The following SNX9 variants were observed in gnomAD, a reference collection of about 807,000 sequenced individuals.
SNX9 encodes sorting nexin 9, also known as sorting nexin-9.
In SNX9, 44 loss-of-function variants were observed where a neutral mutation model predicts 89.4. The observed-to-expected ratio is 0.49, with a 90% CI of 0.39 to 0.63. The LOEUF is 0.63. Ranked by LOEUF, SNX9 falls within the 30% of genes least tolerant of loss-of-function variation. The probability of loss-of-function intolerance (pLI) is 0.00; values close to 1 mark genes in which losing one functional copy is unlikely to be tolerated. For missense variants in SNX9, 578 were observed against 736.1 expected (o/e 0.79, Z 2.49); for synonymous variants, 236 against 247.8 (o/e 0.95, Z 0.45).
Position 157,823,402 on chromosome 6 carries a change from G to C in SNX9, c.-33G>C. The C allele has an allele frequency of 7.9e-7, 1 of 1,272,280 alleles. No individual in the cohort carries two copies. The highest frequency in any genetic ancestry group is 1.0e-6 in the Non-Finnish European group (1 of 1,002,232). 78.8% of individuals were successfully genotyped at this position (1,272,280 alleles called of 1,614,324 possible). On this transcript the variant is annotated 5_prime_UTR_variant, in exon 1 of 18. Coordinates refer to ENST00000392185, the MANE Select transcript of SNX9 (RefSeq NM_016224.5). This position sits in a 1 kb window ranked among gnomAD's most constrained non-coding sequence, Gnocchi z 4.6. ...TCACCATCCGCGGCGCGGGAGACGA[G>C]CCGGCCGTCCCGGGCCGGGGGACCC...
chr6:157,833,534 G>GTT (rs1781515259), intron 1 of SNX9, among the ~76,000 whole-genome samples: 1 of 152,136 alleles, frequency 6.6e-6, no homozygotes, highest in Admixed American at 6.5e-5. Flanking sequence ...AAAAGAGTAT[G>GTT]TTTTAAAAGT....
rs547967917 is a variant in SNX9 at position 157,895,819 on chromosome 6, C to T, written c.301-1008C>T. Among the ~76,000 whole-genome samples, 20 of 152,204 alleles carry T rather than the reference C, an allele frequency of 1.3e-4. No individual in the cohort carries two copies. In the South Asian group the frequency reaches 1.5e-3, roughly 11 times the overall value. Reference sequence around the variant, plus strand: ...TAGGCCCCAGCAGACCAGGCCAAACCAGAATGGAGTTCCTTGTGCTAGATG... The same window carrying T: ...TAGGCCCCAGCAGACCAGGCCAAACTAGAATGGAGTTCCTTGTGCTAGATG... On this transcript the variant is annotated intron_variant, in intron 4 of 17. Coordinates refer to ENST00000392185, the MANE Select transcript of SNX9 (RefSeq NM_016224.5).
At chr6:157,903,481 A>G (rs1583227742) in intron 6 of SNX9, among the ~76,000 whole-genome samples, 1 of 152,342 alleles carries the variant, frequency 6.6e-6, no homozygotes, top group East Asian at 1.9e-4. Flanking sequence ...CTGTCTTGTT[A>G]GTCAACTGTG....
chr6:157,885,286 A>G (rs1283673638), intron 4 of SNX9: 3 of 152,154 alleles, frequency 2.0e-5, no homozygotes, highest in Admixed American at 2.0e-4. Context: ...GCTGTGATCT[A>G]CCTTCATTTT....
intron 2 of SNX9, among the ~76,000 whole-genome samples, chr6:157,870,180 ACT>A (rs1258542713): frequency 6.7e-6 from 1 of 150,208 alleles, no homozygotes; most frequent in Non-Finnish European, 1.5e-5. Context: ...GCACACCCAC[ACT>A]CATGCTCTCA....
intron 1 of SNX9, among the ~76,000 whole-genome samples, chr6:157,840,768 T>C (rs540501651): frequency 6.6e-6 from 1 of 152,130 alleles, no homozygotes; most frequent in Non-Finnish European, 1.5e-5. Context: ...GAAAAAACTT[T>C]GTAAAGAAAT....
intron 6 of SNX9, among the ~76,000 whole-genome samples, chr6:157,904,308 C>T (rs1434229551): frequency 1.3e-5 from 2 of 152,080 alleles, no homozygotes; most frequent in African/African-American, 4.8e-5. Context: ...TGGTGGCACG[C>T]CTGTAATCCT....
At chr6:157,857,029 A>C (rs1782026928) in intron 1 of SNX9, among the ~76,000 whole-genome samples, 1 of 152,176 alleles carries the variant, frequency 6.6e-6, no homozygotes, top group African/African-American at 2.4e-5. Context: ...ACAGTTCTTA[A>C]AGGATAAATG....
chr6:157,867,071 T>C (rs974246514), intron 1 of SNX9, among the ~76,000 whole-genome samples: 8 of 152,056 alleles, frequency 5.3e-5, no homozygotes, highest in African/African-American at 1.9e-4. Flanking sequence ...GCCTCAGTTT[T>C]TTCAGTAGCT....
chr6:157,923,518 G>C (rs1436955768), intron 10 of SNX9, among the ~76,000 whole-genome samples: 1 of 151,556 alleles, frequency 6.6e-6, no homozygotes, highest in Non-Finnish European at 1.5e-5. Flanking sequence ...GATCTACATA[G>C]AAAACTATGA....
intron 1 of SNX9, among the ~76,000 whole-genome samples, chr6:157,858,737 A>G (rs923177215): frequency 4.6e-5 from 7 of 152,334 alleles, no homozygotes; most frequent in Admixed American, 3.9e-4. Context: ...AGGCCTCACA[A>G]TCATGGTGGA....
intron 9 of SNX9, among the ~76,000 whole-genome samples, chr6:157,911,057 G>A (rs1255059800): frequency 6.6e-6 from 1 of 152,074 alleles, no homozygotes; most frequent in Admixed American, 6.5e-5. Context: ...AGGTTGCGGT[G>A]AGCCGAGATT....
At chr6:157,905,822 G>A (rs756480382) in intron 6 of SNX9, among the ~76,000 whole-genome samples, 9 of 152,164 alleles carry the variant, frequency 5.9e-5, no homozygotes, top group Admixed American at 3.3e-4. Context: ...CTAGGGGGGC[G>A]TTTTTTCAGG....
At chr6:157,849,889 C>T (rs1024524362) in intron 1 of SNX9, among the ~76,000 whole-genome samples, 28 of 152,070 alleles carry the variant, frequency 1.8e-4, no homozygotes, top group African/African-American at 6.5e-4. Flanking sequence ...CAAGTCTGAA[C>T]CTCAGGAGGA....
chr6:157,928,513 G>A, intron 11 of SNX9, 86 bp from the exon 12 acceptor site: 3 of 989,358 alleles, frequency 3.0e-6, no homozygotes, highest in Non-Finnish European at 4.6e-6. Flanking sequence ...AAGAAAACAA[G>A]TGTCTGTGGT....
At chr6:157,911,090 G>A (rs1783332783) in intron 9 of SNX9, among the ~76,000 whole-genome samples, 1 of 151,160 alleles carries the variant, frequency 6.6e-6, no homozygotes, top group South Asian at 2.1e-4. Flanking sequence ...TCCAGCCCAG[G>A]CGACAGAGCG....
At chr6:157,893,608 TTGTGTGTGTGTG>T (rs3047741) in intron 4 of SNX9, among the ~76,000 whole-genome samples, 20 of 148,858 alleles carry the variant, frequency 1.3e-4, no homozygotes, top group African/African-American at 4.9e-4. Flanking sequence ...CTAGCACCAT[TTGTGTGTGTGTG>T]TGTGTGTGTG....
chr6:157,836,601 T>C (rs1361105618), intron 1 of SNX9, among the ~76,000 whole-genome samples: 1 of 151,640 alleles, frequency 6.6e-6, no homozygotes, highest in African/African-American at 2.4e-5. Context: ...TTCTTTCTTT[T>C]TTTTTTTTTG....
intron 9 of SNX9, among the ~76,000 whole-genome samples, chr6:157,919,745 T>G (rs1783545668): frequency 6.6e-6 from 1 of 152,200 alleles, no homozygotes; most frequent in African/African-American, 2.4e-5. Context: ...TGACTGTTTG[T>G]TTTTTTCTCA....
Sources: gnomAD v4.1 joint callset for allele counts (sites outside exome capture counted in the v4.1 genomes callset) on GRCh38, gnomAD v4.1.1 for gene constraint, Gnocchi (gnomAD v3.1) non-coding constraint, MANE v1.5 for transcripts, NCBI Gene and HGNC (gene_info 2026-07-23, HGNC 2026-07-21) for gene names.